The following DPP10 variants were observed in gnomAD, a reference collection of about 807,000 sequenced individuals.
The protein encoded by DPP10 is dipeptidyl peptidase like 10, also known as inactive dipeptidyl peptidase 10.
Under a neutral mutation model 120.9 loss-of-function variants are expected in DPP10, and 33 were observed. That is an observed-to-expected ratio of 0.27 (90% CI 0.21 to 0.37). The LOEUF (loss-of-function observed/expected upper bound fraction) is 0.37, where lower values mean the gene tolerates loss of function less well. Among genes scored for constraint, DPP10 ranks in the 10% least tolerant of loss-of-function variants. The pLI, the probability that DPP10 is intolerant of heterozygous loss-of-function variation, is 1.00. For synonymous variants in DPP10, 337 were observed against 326.1 expected (o/e 1.03, Z -0.36); for missense variants, 816 against 942.8 (o/e 0.87, Z 1.76).
chr2:115,220,512 G>T (rs2057086748), intron 1 of DPP10, among the ~76,000 whole-genome samples: 1 of 151,992 alleles, frequency 6.6e-6, no homozygotes, highest in Admixed American at 6.6e-5. Flanking sequence ...AGGAGTTTGA[G>T]ACCAGCCTGG....
intron 12 of DPP10, among the ~76,000 whole-genome samples, chr2:115,766,341 T>C (rs1181709806): frequency 7.3e-6 from 1 of 136,608 alleles, no homozygotes; most frequent in African/African-American, 2.6e-5. Flanking sequence ...TATATATGTA[T>C]ATATATATAT....
At chr2:115,413,708 T>C (rs1349030538) in intron 3 of DPP10, among the ~76,000 whole-genome samples, 2 of 152,208 alleles carry the variant, frequency 1.3e-5, no homozygotes, top group Non-Finnish European at 2.9e-5. Flanking sequence ...AAATACAGTT[T>C]TCCAGACCTC....
At chr2:115,535,709 G>A (rs1487350358) in intron 5 of DPP10, among the ~76,000 whole-genome samples, 2 of 150,926 alleles carry the variant, frequency 1.3e-5, no homozygotes, top group Admixed American at 6.6e-5. Flanking sequence ...TGGGCAGTAT[G>A]GCCATTTTCA....
At chr2:115,249,191 C>T (rs141423191) in intron 1 of DPP10, among the ~76,000 whole-genome samples, 4 of 152,134 alleles carry the variant, frequency 2.6e-5, no homozygotes, top group African/African-American at 7.2e-5. Context: ...GACACAGTGT[C>T]TATTCTATTT....
At chr2:114,955,180 G>C (rs938361044) in intron 1 of DPP10, among the ~76,000 whole-genome samples, 1 of 152,132 alleles carries the variant, frequency 6.6e-6, no homozygotes, top group African/African-American at 2.4e-5. Context: ...CTAAACAAAG[G>C]GTGGATTATT....
chr2:115,781,128 A>C, intron 16 of DPP10, 133 bp downstream of exon 16: 1 of 626,576 alleles, frequency 1.6e-6, no homozygotes, highest in Non-Finnish European at 2.5e-6. Context: ...TAGGATATAC[A>C]TTATATATAG....
intron 1 of DPP10, among the ~76,000 whole-genome samples, chr2:115,133,813 T>G (rs559591870): frequency 6.6e-6 from 1 of 151,058 alleles, no homozygotes; most frequent in East Asian, 2.1e-4. Context: ...GGTCTGTCTG[T>G]GAAGTTATCT....
At chr2:115,679,796 G>T (rs1345434007) in intron 5 of DPP10, among the ~76,000 whole-genome samples, 1 of 152,064 alleles carries the variant, frequency 6.6e-6, no homozygotes, top group Non-Finnish European at 1.5e-5. Flanking sequence ...AAAACATTTA[G>T]CTCACAGAAG....
intron 2 of DPP10, among the ~76,000 whole-genome samples, chr2:115,324,810 A>G (rs1474518504): frequency 6.6e-6 from 1 of 152,062 alleles, no homozygotes; most frequent in Non-Finnish European, 1.5e-5. Context: ...AATTGTTTTT[A>G]GTTTTGGATT....
intron 24 of DPP10, among the ~76,000 whole-genome samples, chr2:115,837,833 G>C (rs1342678972): frequency 6.9e-6 from 1 of 145,976 alleles, no homozygotes; most frequent in East Asian, 1.9e-4. Flanking sequence ...CAGAACTGTT[G>C]GGGTAATCAA....
At chr2:114,514,464 A>G (rs1245213082) in intron 1 of DPP10, among the ~76,000 whole-genome samples, 1 of 152,192 alleles carries the variant, frequency 6.6e-6, no homozygotes, top group African/African-American at 2.4e-5. Context: ...TAGCATCTAC[A>G]AAAATTCACA....
intron 1 of DPP10, among the ~76,000 whole-genome samples, chr2:114,459,570 G>A (rs1678760531): frequency 6.6e-6 from 1 of 152,168 alleles, no homozygotes; most frequent in Admixed American, 6.6e-5. Flanking sequence ...GATGGGGTCA[G>A]TTTGGGATCT....
intron 1 of DPP10, among the ~76,000 whole-genome samples, chr2:114,663,289 TAC>T: frequency 6.8e-6 from 1 of 147,644 alleles, no homozygotes; most frequent in African/African-American, 2.4e-5. Flanking sequence ...CATATATGTA[TAC>T]ATATACATAT....
intron 10 of DPP10, among the ~76,000 whole-genome samples, chr2:115,751,100 TG>T (rs1313356654): frequency 1.3e-5 from 2 of 152,182 alleles, no homozygotes; most frequent in Non-Finnish European, 2.9e-5. Flanking sequence ...TTTGGTTAGT[TG>T]TTTACAATAT....
chr2:115,788,688 C>T (rs1450825704), intron 17 of DPP10, among the ~76,000 whole-genome samples: 3 of 152,206 alleles, frequency 2.0e-5, no homozygotes, highest in East Asian at 3.9e-4. Flanking sequence ...AACATTCACA[C>T]GAGAAGAAAT....
At chr2:115,618,709 A>G (rs1182770243) in intron 5 of DPP10, among the ~76,000 whole-genome samples, 2 of 152,188 alleles carry the variant, frequency 1.3e-5, no homozygotes, top group Non-Finnish European at 2.9e-5. Flanking sequence ...ACAACTGTGC[A>G]CTGCAAAACA....
At chr2:115,135,890 C>T (rs1166964676) in intron 1 of DPP10, among the ~76,000 whole-genome samples, 1 of 152,112 alleles carries the variant, frequency 6.6e-6, no homozygotes. Flanking sequence ...GGTAAATGTG[C>T]AGGAAGGTCA....
At chr2:114,990,259 GT>G (rs930672147) in intron 1 of DPP10, among the ~76,000 whole-genome samples, 1 of 152,108 alleles carries the variant, frequency 6.6e-6, no homozygotes, top group African/African-American at 2.4e-5. Context: ...AATAATGTAA[GT>G]TTCCAACACA....
At chr2:115,050,420 A>G (rs2105341064) in intron 1 of DPP10, among the ~76,000 whole-genome samples, 1 of 152,280 alleles carries the variant, frequency 6.6e-6, no homozygotes. Context: ...AAGTCAAGCT[A>G]AAAGTGCTTG....
Sources: gnomAD v4.1 joint callset for allele counts (sites outside exome capture counted in the v4.1 genomes callset) on GRCh38, gnomAD v4.1.1 for gene constraint, MANE v1.5 for transcripts, NCBI Gene and HGNC (gene_info 2026-07-23, HGNC 2026-07-21) for gene names.